The following ABHD2 variants were observed in gnomAD, a reference collection of about 807,000 sequenced individuals.
ABHD2 encodes the protein abhydrolase domain containing 2, acylglycerol lipase.
In ABHD2, 20 loss-of-function variants were observed where a neutral mutation model predicts 48.1. The observed-to-expected ratio is 0.42, with a 90% confidence interval of 0.29 to 0.60. The LOEUF (loss-of-function observed/expected upper bound fraction) is 0.60, where lower values mean the gene tolerates loss of function less well. Ranked by LOEUF, ABHD2 falls within the 20% of genes least tolerant of loss-of-function variation. The pLI, the probability that ABHD2 is intolerant of heterozygous loss-of-function variation, is 0.24. For missense variants in ABHD2, 405 were observed against 550.9 expected (o/e 0.74, Z 2.65); for synonymous variants, 209 against 214.2 (o/e 0.98, Z 0.21).
At chr15:89,144,277 G>A (rs1054326058) in intron 3 of ABHD2, among the ~76,000 whole-genome samples, 3 of 152,116 alleles carry the variant, frequency 2.0e-5, no homozygotes, top group Non-Finnish European at 2.9e-5. Flanking sequence ...GGAATTACAG[G>A]TGTGTGCCAC....
the ABHD2 span, among the ~76,000 whole-genome samples, chr15:89,067,953 G>A: frequency 2.6e-5 from 4 of 152,084 alleles, no homozygotes; most frequent in Non-Finnish European, 4.4e-5. Flanking sequence ...TGAAAGAAAC[G>A]GTCTAGTGGG....
intron 3 of ABHD2, among the ~76,000 whole-genome samples, chr15:89,117,408 ACT>A (rs1358104303): frequency 6.6e-6 from 1 of 152,120 alleles, no homozygotes; most frequent in East Asian, 1.9e-4. Flanking sequence ...GGGAATCTGC[ACT>A]CTGTGTCACA....
chr15:89,162,151 T>A (rs1325373064), intron 5 of ABHD2, among the ~76,000 whole-genome samples: 3 of 152,090 alleles, frequency 2.0e-5, no homozygotes, highest in African/African-American at 7.2e-5. Context: ...GGGTTACGAG[T>A]TCAGCATATG....
chr15:89,175,698 T>C lies in ABHD2; in HGVS notation c.539-114T>C, dbSNP rs569588922. On this transcript the variant is annotated intron_variant, in intron 5 of 10. Coordinates refer to ENST00000352732, the MANE Select transcript of ABHD2 (RefSeq NM_152924.5). This position sits in a 1 kb window ranked among gnomAD's most constrained non-coding sequence, Gnocchi z 5.7. ...ACACACACACGTATATATACACATA[T>C]ATATTTCTCTCTCTTTTAGTATACT... The C allele has an allele frequency of 2.6e-4, 290 of 1,103,220 alleles. 3 individuals are homozygous for C. The South Asian group carries it at 3.5e-3, about 13-fold the overall frequency. 68.3% of individuals were successfully genotyped at this position (1,103,220 alleles called of 1,614,324 possible).
At chr15:89,123,630 C>T (rs1485811764) in intron 3 of ABHD2, among the ~76,000 whole-genome samples, 2 of 117,482 alleles carry the variant, frequency 1.7e-5, no homozygotes, top group Admixed American at 1.0e-4. Context: ...CAATGTCTCA[C>T]TCTATTACCC....
In ABHD2 at chr15:89,201,835, C is replaced by T. The variant is rs895727282; in HGVS notation, c.*6412C>T. The T allele has an allele frequency of 2.7e-6, 3 of 1,103,100 alleles. No homozygotes were observed. Among genetic ancestry groups the T allele is most frequent in the Non-Finnish European group, 4.0e-6 (3 of 752,052 alleles). 68.3% of individuals were successfully genotyped at this position (1,103,100 alleles called of 1,614,324 possible). ...ACAGCGCAGAGCAGGGGGCGGCTTGCTCGCTGGGGGCGGGGGACGATGGCG... is the reference window on the plus strand; with the variant it reads ...ACAGCGCAGAGCAGGGGGCGGCTTGTTCGCTGGGGGCGGGGGACGATGGCG... On this transcript the variant is annotated 3_prime_UTR_variant, in exon 11 of 11. Transcript: ENST00000352732.
chr15:89,101,483 A>G (rs1021764682), intron 1 of ABHD2, among the ~76,000 whole-genome samples: 1 of 152,232 alleles, frequency 6.6e-6, no homozygotes, highest in Non-Finnish European at 1.5e-5. Flanking sequence ...ACTTCTGTTC[A>G]GAGAACCACA....
the ABHD2 span, among the ~76,000 whole-genome samples, chr15:89,042,829 T>G: frequency 4.6e-5 from 7 of 151,732 alleles, no homozygotes; most frequent in African/African-American, 1.7e-4. Flanking sequence ...TTTTTCTTTT[T>G]TTCTTTTTTT....
intron 3 of ABHD2, among the ~76,000 whole-genome samples, chr15:89,133,985 T>C (rs8033610): frequency 0.62 from 94,070 of 151,514 alleles, 29,330 homozygotes; most frequent in Non-Finnish European, 0.65. Context: ...TACGGGTGCC[T>C]GCCACCACGA....
At chr15:89,051,737 T>C in the ABHD2 span, among the ~76,000 whole-genome samples, 9 of 152,178 alleles carry the variant, frequency 5.9e-5, no homozygotes, top group African/African-American at 2.2e-4. Flanking sequence ...ATGTAAGACA[T>C]CCCTTGCTCT....
chr15:89,050,509 A>T, the ABHD2 span, among the ~76,000 whole-genome samples: 1 of 152,244 alleles, frequency 6.6e-6, no homozygotes, highest in African/African-American at 2.4e-5. Flanking sequence ...TAAAACACAA[A>T]GTTAAACTTC....
chr15:89,083,510 G>A (rs1490000393), upstream of ABHD2, among the ~76,000 whole-genome samples: 1 of 152,166 alleles, frequency 6.6e-6, no homozygotes, highest in Non-Finnish European at 1.5e-5. The surrounding 1 kb of genome is among the most constrained non-coding windows in gnomAD (Gnocchi z 5.1). Context: ...ATGTGTGTTT[G>A]TGTGTTTCAT....
the ABHD2 span, among the ~76,000 whole-genome samples, chr15:89,078,725 C>CTTT: frequency 7.0e-5 from 10 of 143,654 alleles, no homozygotes; most frequent in African/African-American, 7.8e-5. Context: ...ACAATGTAGG[C>CTTT]TTTTTTTTTT....
chr15:89,052,388 T>C, the ABHD2 span, among the ~76,000 whole-genome samples: 1 of 152,140 alleles, frequency 6.6e-6, no homozygotes, highest in Non-Finnish European at 1.5e-5. Context: ...AATTCTAAAT[T>C]ACTACCAAAT....
rs190870613 is a variant in ABHD2, at chr15:89,179,855, C to A, written c.722+3860C>A. Among the ~76,000 whole-genome samples the A allele has an allele frequency of 6.6e-6, 1 of 152,290 alleles. No individual in the cohort carries two copies. Among genetic ancestry groups the A allele is most frequent in the East Asian group, 1.9e-4 (1 of 5,182 alleles). ...TCACTAAGACCTGACCTCCTTGGTTCAGGTAAACCTGAACATCCTAGCATT... is the reference window on the plus strand; with the variant it reads ...TCACTAAGACCTGACCTCCTTGGTTAAGGTAAACCTGAACATCCTAGCATT... On this transcript the variant is annotated intron_variant, in intron 6 of 10. Coordinates refer to ENST00000352732, the MANE Select transcript of ABHD2 (RefSeq NM_152924.5). The surrounding 1 kb of genome is among the most constrained non-coding windows in gnomAD (Gnocchi z 4.3).
At chr15:89,193,587 G>A in intron 10 of ABHD2, 1 of 475,864 alleles carries the variant, frequency 2.1e-6, no homozygotes, top group Non-Finnish European at 3.7e-6. Context: ...GTCACTTGAG[G>A]TTCTATGAGA....
chr15:89,091,445 C>T lies in ABHD2; in HGVS notation c.-107+2882C>T, dbSNP rs1465246791. Reference sequence around the variant, plus strand: ...TTTGCTTGTGTATTAATATGGGCCCCTTTCTCTCTTTCTCACTCTCTTTTC... The same window carrying T: ...TTTGCTTGTGTATTAATATGGGCCCTTTTCTCTCTTTCTCACTCTCTTTTC... On this transcript the variant is annotated intron_variant, in intron 1 of 10. Transcript: ENST00000352732. This position sits in a 1 kb window ranked among gnomAD's most constrained non-coding sequence, Gnocchi z 5.5. 1.3e-5 allele frequency among the ~76,000 whole-genome samples: 2 copies of T among 152,068 alleles called. No homozygotes were observed. Among genetic ancestry groups the T allele is most frequent in the Admixed American group, 1.3e-4 (2 of 15,266 alleles).
chr15:89,051,711 T>C, the ABHD2 span, among the ~76,000 whole-genome samples: 161 of 152,320 alleles, frequency 1.1e-3, no homozygotes, highest in African/African-American at 3.8e-3. Context: ...GCAGATGCTC[T>C]CTCTTGCCTG....
chr15:89,130,972 G>T (rs936075303), intron 3 of ABHD2, among the ~76,000 whole-genome samples: 2 of 152,106 alleles, frequency 1.3e-5, no homozygotes, highest in African/African-American at 4.8e-5. Context: ...TGTGTCACGT[G>T]GGCCTCCTTC....
Sources: allele counts gnomAD v4.1 joint callset (sites outside exome capture counted in the v4.1 genomes callset), GRCh38; gene constraint gnomAD v4.1.1; non-coding constraint Gnocchi (gnomAD v3.1); transcripts MANE v1.5; gene names NCBI Gene and HGNC (gene_info 2026-07-23, HGNC 2026-07-21).